The following CADPS variants were observed in gnomAD, a reference collection of about 807,000 sequenced individuals.
CADPS encodes the protein calcium-dependent secretion activator 1.
Under a neutral mutation model 167.3 loss-of-function variants are expected in CADPS, and 57 were observed. The observed-to-expected ratio is 0.34, with a 90% CI of 0.28 to 0.42. The LOEUF is 0.42. Among genes scored for constraint, CADPS ranks in the 20% least tolerant of loss-of-function variants. The pLI, the probability that CADPS is intolerant of heterozygous loss-of-function variation, is 1.00. For synonymous variants in CADPS, 676 were observed against 635.3 expected (o/e 1.06, Z -0.96); for missense variants, 1,414 against 1,738.1 (o/e 0.81, Z 3.32).
In CADPS at chr3:62,491,386, T is replaced by G. The variant is rs1341981270; in HGVS notation, c.2979A>C (p.Ala993=). The G allele has an allele frequency of 1.9e-6, 3 of 1,614,178 alleles. No individual in the cohort carries two copies. Among genetic ancestry groups the G allele is most frequent in the Non-Finnish European group, 2.5e-6 (3 of 1,179,992 alleles). ...GCTCAAAGCCCCTGTGAATGGATTG[T>G]GCAATTGAGGACTCCATCAGATCCA... ...RYVDLMESSI[A]QSIHRGFERE... is the part of the protein sequence containing the mutation. The change falls in exon 21 of 30, where the codon GCA becomes GCC. Residue 993 remains alanine (A), a synonymous_variant. Coordinates refer to ENST00000383710, the MANE Select transcript of CADPS (RefSeq NM_003716.4).
intron 6 of CADPS, among the ~76,000 whole-genome samples, chr3:62,643,095 A>C (rs1161265557): frequency 6.6e-6 from 1 of 152,172 alleles, no homozygotes; most frequent in Non-Finnish European, 1.5e-5. Context: ...AAAATAAGTA[A>C]AGGATATAGG....
rs552934656 is a variant in CADPS, at chr3:62,596,811, A to G, written c.1326-4063T>C. On this transcript the variant is annotated intron_variant, in intron 6 of 29. Transcript: ENST00000383710. ...AAGCAAGATTGACACTGCCCTTTCT[A>G]CTACACAGATGAATGGTAAAATAGC... Among the ~76,000 whole-genome samples, 16 of 152,292 alleles carry G rather than the reference A, an allele frequency of 1.1e-4. No homozygotes were observed. The South Asian group carries it at 2.3e-3, about 22-fold the overall frequency.
chr3:62,825,272 A>G (rs1311309347), intron 1 of CADPS, among the ~76,000 whole-genome samples: 1 of 152,088 alleles, frequency 6.6e-6, no homozygotes, highest in African/African-American at 2.4e-5. Context: ...CCAAAGTCAG[A>G]TATGTTATTA....
intron 1 of CADPS, among the ~76,000 whole-genome samples, chr3:62,804,632 G>A (rs1003597588): frequency 1.1e-4 from 17 of 151,808 alleles, no homozygotes; most frequent in Admixed American, 3.3e-4. Context: ...GCTCCCTGGC[G>A]ATTTGAAACA....
At chr3:62,849,618 G>T (rs1170247520) in intron 1 of CADPS, among the ~76,000 whole-genome samples, 1 of 132,360 alleles carries the variant, frequency 7.6e-6, no homozygotes, top group East Asian at 2.2e-4. Context: ...TGCATCCCAG[G>T]GATGAAGGCC....
chr3:62,834,888 C>T (rs556424010), intron 1 of CADPS, among the ~76,000 whole-genome samples: 7 of 152,250 alleles, frequency 4.6e-5, no homozygotes, highest in African/African-American at 1.7e-4. Flanking sequence ...CTCCCAATTA[C>T]AATTCTTACA....
intron 28 of CADPS, among the ~76,000 whole-genome samples, chr3:62,411,211 G>A (rs766514657): frequency 1.3e-5 from 2 of 152,102 alleles, no homozygotes; most frequent in African/African-American, 4.8e-5. Context: ...GTAACCAATC[G>A]GTGTTTTTGA....
intron 10 of CADPS, among the ~76,000 whole-genome samples, chr3:62,555,209 ATTTACAT>A (rs2077935244): frequency 6.6e-6 from 1 of 152,220 alleles, no homozygotes. Flanking sequence ...AACATAATTG[ATTTACAT>A]TTTACATCTT....
At chr3:62,752,497 A>G (rs1164835879) in intron 3 of CADPS, among the ~76,000 whole-genome samples, 1 of 152,230 alleles carries the variant, frequency 6.6e-6, no homozygotes, top group Admixed American at 6.5e-5. Context: ...CTACTAGTTA[A>G]AATAATTTTC....
Position 62,446,443 on chromosome 3 carries a change from G to A in CADPS, c.3637-646C>T, listed in dbSNP as rs529053984. 2.9e-4 allele frequency among the ~76,000 whole-genome samples: 44 copies of A among 152,266 alleles called. 1 individual carries two copies. The highest frequency in any genetic ancestry group is 1.1e-3 in the African/African-American group (44 of 41,562). The stretch of plus-strand genomic sequence containing the variant: ...GTATGGTAGCGTGCTAGAGTGTTAT[G>A]TTTGAGAGCATGAAGTTTGGAGTCA... On this transcript the variant is annotated intron_variant, in intron 26 of 29. Transcript: ENST00000383710. The surrounding 1 kb of genome is among the most constrained non-coding windows in gnomAD (Gnocchi z 4.9).
chr3:62,525,709 GTGTGTGTC>G (rs1395700184), intron 13 of CADPS, among the ~76,000 whole-genome samples: 8 of 152,118 alleles, frequency 5.3e-5, no homozygotes, highest in Admixed American at 1.3e-4. Flanking sequence ...GTGTGTATGT[GTGTGTGTC>G]TGTGTGTCTG....
intron 1 of CADPS, among the ~76,000 whole-genome samples, chr3:62,858,507 C>G (rs1440660731): frequency 6.6e-6 from 1 of 152,068 alleles, no homozygotes; most frequent in Non-Finnish European, 1.5e-5. Flanking sequence ...TCAGCTGTAT[C>G]TACTTCTAAA....
At chr3:62,556,723 C>A (rs762001067) in intron 10 of CADPS, among the ~76,000 whole-genome samples, 1 of 150,904 alleles carries the variant, frequency 6.6e-6, no homozygotes, top group Non-Finnish European at 1.5e-5. Context: ...GGGAGAGGTG[C>A]GAGGGGGCAG....
intron 4 of CADPS, among the ~76,000 whole-genome samples, chr3:62,661,479 G>A (rs577201629): frequency 1.1e-4 from 17 of 152,164 alleles, no homozygotes; most frequent in Non-Finnish European, 2.4e-4. Context: ...GACATTCTCT[G>A]TAGTTGGACT....
At chr3:62,802,785 T>C (rs1000520506) in intron 1 of CADPS, among the ~76,000 whole-genome samples, 4 of 152,166 alleles carry the variant, frequency 2.6e-5, no homozygotes, top group Non-Finnish European at 5.9e-5. Flanking sequence ...TTCATTATGG[T>C]GTACAATCTT....
intron 3 of CADPS, among the ~76,000 whole-genome samples, chr3:62,690,868 C>T (rs886130307): frequency 3.9e-5 from 6 of 151,946 alleles, no homozygotes; most frequent in Non-Finnish European, 8.8e-5. Context: ...CACACACAAA[C>T]CTGTACACAG....
chr3:62,851,665 C>T lies in CADPS; in HGVS notation c.441+22924G>A, dbSNP rs1048386603. On this transcript the variant is annotated intron_variant, in intron 1 of 29. Coordinates refer to ENST00000383710, the MANE Select transcript of CADPS (RefSeq NM_003716.4). ...ATCCGCTGTTAGTCTGATGGGCTTC[C>T]CTTTGAGGGTAACCCGACCTTTCTC... 2.2e-4 allele frequency among the ~76,000 whole-genome samples: 31 copies of T among 143,700 alleles called. 1 individual carries two copies. The highest frequency in any genetic ancestry group is 2.5e-4 in the South Asian group (1 of 4,070). 94.3% of individuals were successfully genotyped at this position (143,700 alleles called of 152,430 possible). A position where few individuals can be genotyped will look rare whatever the true frequency, so the allele number is the denominator to read the frequency against.
In CADPS at chr3:62,399,420, C is replaced by T. The variant is rs147103435; in HGVS notation, c.4048G>A (p.Glu1350Lys). 12 of 1,614,030 alleles carry T rather than the reference C, an allele frequency of 7.4e-6. No individual in the cohort carries two copies. The highest frequency in any genetic ancestry group is 4.5e-5 in the East Asian group (2 of 44,898). The change falls in exon 30 of 30, where the codon GAA (glutamate) becomes AAA (lysine). Residue 1350 changes from glutamate (E) to lysine (K), a missense_variant. Transcript: ENST00000383710. This position sits in a 1 kb window ranked among gnomAD's most constrained non-coding sequence, Gnocchi z 5.6. ...ISMKDSDEED[E>K]EDD ...GACCAAATGGTCTAATCGTCTTCTTCGTCTTCCTCATCGCTGTCCTTCATG... is the reference window on the plus strand; with the variant it reads ...GACCAAATGGTCTAATCGTCTTCTTTGTCTTCCTCATCGCTGTCCTTCATG...
chr3:62,493,678 T>C lies in CADPS; in HGVS notation c.2707-13A>G. 6.4e-7 allele frequency: 1 copy of C among 1,554,274 alleles called. No individual in the cohort carries two copies. Among genetic ancestry groups the C allele is most frequent in the East Asian group, 2.4e-5 (1 of 41,512 alleles). On this transcript the variant is annotated splice_polypyrimidine_tract_variant and intron_variant, in intron 18 of 29. Coordinates refer to ENST00000383710, the MANE Select transcript of CADPS (RefSeq NM_003716.4). ...TATCAACATGTGGCTGGTTTGCAAA[T>C]TAAATGAAAAAAATCAAGTCATGGA...
Sources: allele counts gnomAD v4.1 joint callset (sites outside exome capture counted in the v4.1 genomes callset), GRCh38; gene constraint gnomAD v4.1.1; non-coding constraint Gnocchi (gnomAD v3.1); transcripts MANE v1.5; gene names NCBI Gene and HGNC (gene_info 2026-07-23, HGNC 2026-07-21).